Variants in RBM20 observed in about 807,000 individuals in gnomAD.
RBM20 encodes the protein RNA-binding protein 20.
RBM20 carries 51 observed loss-of-function variants against 110.1 expected under a neutral mutation model. That is an observed-to-expected ratio of 0.46 (90% CI 0.37 to 0.59). The LOEUF (loss-of-function observed/expected upper bound fraction) is 0.59, where lower values mean the gene tolerates loss of function less well. Among genes scored for constraint, RBM20 ranks in the 20% least tolerant of loss-of-function variants. The pLI is 0.00. For synonymous variants in RBM20, 589 were observed against 618.2 expected (o/e 0.95, Z 0.70); for missense variants, 1,512 against 1,574.9 (o/e 0.96, Z 0.68).
intron 11 of RBM20, 145 bp from the exon 12 acceptor site, chr10:110,823,335 G>A: frequency 9.5e-7 from 1 of 1,055,630 alleles, no homozygotes; most frequent in African/African-American, 1.6e-5. Flanking sequence ...AGCAACCATT[G>A]CCCCAGCCTT....
intron 1 of RBM20, among the ~76,000 whole-genome samples, chr10:110,650,679 A>G (rs568180981): frequency 2.0e-5 from 3 of 152,146 alleles, no homozygotes; most frequent in South Asian, 4.2e-4. Flanking sequence ...CTCAGTTACC[A>G]CTTCCCACTC....
chr10:110,672,128 C>T (rs563921720), intron 1 of RBM20, among the ~76,000 whole-genome samples: 2 of 152,298 alleles, frequency 1.3e-5, no homozygotes, highest in African/African-American at 4.8e-5. Flanking sequence ...ATTGCTTTTA[C>T]CCGGTGGGCT....
intron 1 of RBM20, among the ~76,000 whole-genome samples, chr10:110,754,184 TG>T (rs1247262655): frequency 1.3e-5 from 2 of 152,272 alleles, no homozygotes; most frequent in Non-Finnish European, 2.9e-5. Flanking sequence ...CACTGTCTTT[TG>T]GCTTCCATTT....
At chr10:110,707,533 A>G (rs1399167388) in intron 1 of RBM20, among the ~76,000 whole-genome samples, 1 of 152,264 alleles carries the variant, frequency 6.6e-6, no homozygotes, top group Non-Finnish European at 1.5e-5. Flanking sequence ...TTTAAAAGGC[A>G]AAGAGCATAG....
At position 110,781,208 on chromosome 10, in the gene RBM20, C is replaced by T. The variant is rs1309710460; in HGVS notation, c.599C>T (p.Thr200Ile). 1.9e-6 allele frequency: 3 copies of T among 1,551,700 alleles called. No homozygotes were observed. Among genetic ancestry groups the T allele is most frequent in the East Asian group, 4.9e-5 (2 of 40,926 alleles). The change falls in exon 2 of 14, where the codon ACT (threonine) becomes ATT (isoleucine). Residue 200 changes from threonine (T) to isoleucine (I), a missense_variant. Coordinates refer to ENST00000369519, the MANE Select transcript of RBM20 (RefSeq NM_001134363.3). ...PPSAMVMHPF[T>I]GVMPQTPGQP... is the part of the protein sequence containing the mutation. ...AGTGCCATGGTGATGCATCCTTTCA[C>T]TGGGGTAATGCCTCAGACCCCTGGC...
intron 1 of RBM20, among the ~76,000 whole-genome samples, chr10:110,765,166 T>C (rs1183688044): frequency 6.6e-6 from 1 of 152,122 alleles, no homozygotes; most frequent in Non-Finnish European, 1.5e-5. Context: ...GGAAAACAGA[T>C]TGAGTTATCA....
rs794729155 is a variant in RBM20 at position 110,821,605 on chromosome 10, G to T, written c.2986G>T (p.Asp996Tyr). The T allele has an allele frequency of 2.1e-5, 33 of 1,551,228 alleles. No individual in the cohort carries two copies. Among genetic ancestry groups the T allele is most frequent in the Non-Finnish European group, 2.7e-5 (31 of 1,146,552 alleles). ...SASTSCPSDMDVEMPGLNLDA... is the reference protein window; with the variant it reads ...SASTSCPSDMYVEMPGLNLDA... ...TTCCACAAGCTGTCCCAGTGACATG[G>T]ACGTGGAAATGCCTGGCCTAAATCT... Residue 996 changes from aspartate to tyrosine, a missense_variant, in exon 11 of 14, where the codon GAC becomes TAC. This residue lies in a region of RBM20 where 358 missense variants were observed against 384.2 expected (regional missense o/e 0.93). Transcript: ENST00000369519.
At chr10:110,761,353 A>T (rs951383030) in intron 1 of RBM20, 2 of 122,458 alleles carry the variant, frequency 1.6e-5, no homozygotes, top group Non-Finnish European at 1.8e-5. Flanking sequence ...TTCCTACCAG[A>T]GGAAAGCCTT....
chr10:110,776,213 G>A, intron 1 of RBM20, among the ~76,000 whole-genome samples: 1 of 152,124 alleles, frequency 6.6e-6, no homozygotes, highest in East Asian at 1.9e-4. Flanking sequence ...CTGTACTCTG[G>A]GGGGATCAAT....
At position 110,812,900 on chromosome 10, in the gene RBM20, CAAG is replaced by C. The variant is rs1554842819; in HGVS notation, c.2507_2509del (p.Glu836del). 2 of 1,458,018 alleles carry C rather than the reference CAAG, an allele frequency of 1.4e-6. No homozygotes were observed. The highest frequency in any genetic ancestry group is 2.9e-5 in the African/African-American group (2 of 69,874). 90.3% of individuals were successfully genotyped at this position (1,458,018 alleles called of 1,614,324 possible). On this transcript the variant is annotated inframe_deletion, in exon 9 of 14. Coordinates refer to ENST00000369519, the MANE Select transcript of RBM20 (RefSeq NM_001134363.3). ...TAAAACCAAGAGAACTGATAGAGAC[CAAG>C]AAGGAGCTGATGATAGAAAAGAAAA...
At chr10:110,773,539 A>G (rs1047509393) in intron 1 of RBM20, among the ~76,000 whole-genome samples, 1 of 152,258 alleles carries the variant, frequency 6.6e-6, no homozygotes, top group Non-Finnish European at 1.5e-5. Context: ...ATTCTCACCT[A>G]TAATACCATA....
chr10:110,768,888 T>C (rs182572933), intron 1 of RBM20, among the ~76,000 whole-genome samples: 33 of 152,230 alleles, frequency 2.2e-4, no homozygotes, highest in African/African-American at 7.2e-4. Flanking sequence ...AAGAAATATT[T>C]TTAGCTGTAT....
At chr10:110,816,293 A>C (rs1049688000) in intron 9 of RBM20, among the ~76,000 whole-genome samples, 9 of 134,460 alleles carry the variant, frequency 6.7e-5, no homozygotes, top group South Asian at 2.4e-4. Context: ...CCATCTCAAC[A>C]CCCCACCCAA....
chr10:110,716,757 C>T (rs1232745452), intron 1 of RBM20, among the ~76,000 whole-genome samples: 2 of 147,274 alleles, frequency 1.4e-5, no homozygotes, highest in African/African-American at 5.0e-5. Context: ...ACTAAAAATA[C>T]AAAAAAAAAA....
chr10:110,731,476 A>G (rs1437979621), intron 1 of RBM20, among the ~76,000 whole-genome samples: 1 of 152,192 alleles, frequency 6.6e-6, no homozygotes, highest in Non-Finnish European at 1.5e-5. Context: ...CTGGGTCACA[A>G]ATTCCCTTTG....
chr10:110,680,657 ACCTGGGGGCGGGGAGGGTGCACG>A (rs1331593110), intron 1 of RBM20, among the ~76,000 whole-genome samples: 1 of 152,048 alleles, frequency 6.6e-6, no homozygotes, highest in Non-Finnish European at 1.5e-5. Flanking sequence ...AATGCGTGTC[ACCTGGGGGCGGGGAGGGTGCACG>A]CCTGGGGGAG....
chr10:110,803,663 T>C (rs566820141), intron 7 of RBM20, among the ~76,000 whole-genome samples: 5 of 151,940 alleles, frequency 3.3e-5, no homozygotes, highest in Admixed American at 6.6e-5. Flanking sequence ...ATTGTGAAGG[T>C]CGCATGGAAT....
intron 1 of RBM20, among the ~76,000 whole-genome samples, chr10:110,767,698 G>A (rs1358078546): frequency 6.6e-6 from 1 of 151,888 alleles, no homozygotes; most frequent in African/African-American, 2.4e-5. Flanking sequence ...ACGGGGTGGC[G>A]GGGCAAAGGC....
intron 1 of RBM20, among the ~76,000 whole-genome samples, chr10:110,698,737 G>T (rs1862708833): frequency 6.6e-6 from 1 of 152,194 alleles, no homozygotes; most frequent in Non-Finnish European, 1.5e-5. Flanking sequence ...GTTCCTCAGT[G>T]ATACAGATTG....
Sources: allele counts gnomAD v4.1 joint callset (sites outside exome capture counted in the v4.1 genomes callset), GRCh38; gene constraint gnomAD v4.1.1; regional missense constraint gnomAD v4.1.1; transcripts MANE v1.5; gene names NCBI Gene and HGNC (gene_info 2026-07-23, HGNC 2026-07-21).